SHPK: variants seen among roughly 807,000 people sequenced by gnomAD.
The protein encoded by SHPK is sedoheptulokinase, also known as carbohydrate kinase-like protein.
A neutral mutation model predicts 46.3 loss-of-function variants in SHPK; 51 were observed. That is an observed-to-expected ratio of 1.10 (90% CI 0.88 to 1.39). The LOEUF is 1.39. SHPK is among the 40% of genes most tolerant of loss of function. SHPK has a pLI of 0.00. For synonymous variants in SHPK, 290 were observed against 273.9 expected, an observed-to-expected ratio of 1.06 and a Z score of -0.58; for missense variants, 668 against 641.3, an observed-to-expected ratio of 1.04 and a Z score of -0.45.
intron 5 of SHPK, among the ~76,000 whole-genome samples, chr17:3,620,620 G>A (rs1380133144): frequency 1.3e-5 from 2 of 151,254 alleles, no homozygotes; most frequent in Non-Finnish European, 2.9e-5. Flanking sequence ...GGAGTGCAGT[G>A]ATGTGATCTC....
rs376874083 is a variant in SHPK at position 3,632,704 on chromosome 17, C to A, written c.169-2358G>T. On this transcript the variant is annotated intron_variant, in intron 1 of 6. Transcript: ENST00000225519. ...GGTCTACATCCACGTCGAATCCTCG[C>A]GCTTTAGACTTGCACACAGTACTTA... is the stretch of plus-strand genomic sequence containing the variant. 8.9e-4 allele frequency among the ~76,000 whole-genome samples: 136 copies of A among 152,192 alleles called. 7 individuals are homozygous for A. The South Asian group carries it at 0.023, about 26-fold the overall frequency.
chr17:3,631,679 C>T (rs1321421967), intron 1 of SHPK, among the ~76,000 whole-genome samples: 5 of 151,592 alleles, frequency 3.3e-5, no homozygotes, highest in African/African-American at 9.7e-5. Context: ...CACACCACCA[C>T]GCCGGGCTAA....
In SHPK at chr17:3,624,160, G is replaced by T. The variant is rs140931260; in HGVS notation, c.382C>A (p.Gln128Lys). Residue 128 changes from glutamine (Q) to lysine (K), a missense_variant, in exon 3 of 7, where the codon CAG becomes AAG. Transcript: ENST00000225519. ...AATTCGCTGCTACATCGGCCATCCTGCCACGTGACCAGGTGGCTAACAGCT... is the reference window on the plus strand; with the variant it reads ...AATTCGCTGCTACATCGGCCATCCTTCCACGTGACCAGGTGGCTAACAGCT... ...PRAVSHLVTW[Q>K]DGRCSSEFLA... 5.6e-6 allele frequency: 9 copies of T among 1,614,166 alleles called. No homozygotes were observed. The African/African-American group carries it at 9.3e-5, about 17-fold the overall frequency.
intron 3 of SHPK, 63 bp from the exon 4 acceptor site, chr17:3,623,554 C>A: frequency 1.3e-6 from 2 of 1,530,698 alleles, no homozygotes; most frequent in Non-Finnish European, 1.8e-6. Context: ...TGTGCCGCAC[C>A]TAGCTGCAGG....
intron 2 of SHPK, among the ~76,000 whole-genome samples, chr17:3,625,570 C>G (rs536641135): frequency 3.9e-5 from 6 of 152,144 alleles, no homozygotes; most frequent in Non-Finnish European, 8.8e-5. Context: ...GTAAAGCCAC[C>G]GTGACCCCCT....
chr17:3,631,512 C>CTTTTTTTTTTTTTTTTTTTTTT lies in SHPK; in HGVS notation c.169-1188_169-1167dup, dbSNP rs371958939. 3.8e-5 allele frequency among the ~76,000 whole-genome samples: 2 copies of CTTTTTTTTTTTTTTTTTTTTTT among 53,036 alleles called. 1 individual carries two copies. The highest frequency in any genetic ancestry group is 1.8e-4 in the African/African-American group (2 of 11,278). 34.8% of individuals were successfully genotyped at this position (53,036 alleles called of 152,430 possible). On this transcript the variant is annotated intron_variant, in intron 1 of 6. Coordinates refer to ENST00000225519, the MANE Select transcript of SHPK (RefSeq NM_013276.4). The stretch of plus-strand genomic sequence containing the variant: ...AAAATATACACTATCTAATTTAATG[C>CTTTTTTTTTTTTTTTTTTTTTT]TTTTTTTTTTTTTTTTTTTTTTTTT...
At chr17:3,613,807 G>A (rs535311845) in intron 6 of SHPK, among the ~76,000 whole-genome samples, 5 of 152,016 alleles carry the variant, frequency 3.3e-5, no homozygotes, top group East Asian at 3.9e-4. Context: ...CAATCCTCCC[G>A]CCTCGGCCTC....
At chr17:3,628,219 G>A (rs533921269) in intron 2 of SHPK, among the ~76,000 whole-genome samples, 1 of 152,236 alleles carries the variant, frequency 6.6e-6, no homozygotes, top group South Asian at 2.1e-4. Flanking sequence ...TTAAAATGTT[G>A]ATCTGTAGTA....
intron 5 of SHPK, among the ~76,000 whole-genome samples, chr17:3,615,850 ATTTTTTTT>A (rs201449504): frequency 3.7e-5 from 4 of 107,600 alleles, no homozygotes; most frequent in Admixed American, 9.3e-5. Context: ...GATCAAAGGA[ATTTTTTTT>A]TTTTTTTTTT....
At chr17:3,625,835 C>T (rs945612709) in intron 2 of SHPK, among the ~76,000 whole-genome samples, 20 of 152,116 alleles carry the variant, frequency 1.3e-4, no homozygotes, top group Non-Finnish European at 4.4e-5. Flanking sequence ...GGCGGATCAC[C>T]TGAGGTGAGG....
intron 6 of SHPK, 52 bp downstream of exon 6, chr17:3,615,285 C>A: frequency 1.3e-6 from 2 of 1,579,802 alleles, no homozygotes; most frequent in African/African-American, 1.3e-5. Flanking sequence ...CGAGACCCTG[C>A]CGGGTAGAAA....
intron 2 of SHPK, among the ~76,000 whole-genome samples, chr17:3,628,326 C>G (rs2075450389): frequency 6.9e-6 from 1 of 144,806 alleles, no homozygotes; most frequent in East Asian, 2.0e-4. Context: ...TTCATAATTT[C>G]TTTTTTTTTT....
rs1054647529 is a variant in SHPK at position 3,636,073 on chromosome 17, CT to C, written c.146del (p.Glu49GlyfsTer14). Reference sequence around the variant, plus strand: ...TCACCTGGGGCCCGGCCACCGCGCTCTCGACCGCCGCCTCTGCCCGCGCAGC... The same window carrying C: ...TCACCTGGGGCCCGGCCACCGCGCTCCGACCGCCGCCTCTGCCCGCGCAGC... The part of the protein sequence containing the change: ...ARAARAEAAV[E>X]SAVAGPQGRE... On this transcript the variant is annotated frameshift_variant, in exon 1 of 7. Coordinates refer to ENST00000225519, the MANE Select transcript of SHPK (RefSeq NM_013276.4). LOFTEE classifies it high-confidence loss of function. The C allele has an allele frequency of 3.2e-6, 5 of 1,583,302 alleles. No individual in the cohort carries two copies. The highest frequency in any genetic ancestry group is 4.3e-6 in the Non-Finnish European group (5 of 1,166,750).
chr17:3,630,823 C>G (rs2075466380), intron 1 of SHPK, among the ~76,000 whole-genome samples: 1 of 152,128 alleles, frequency 6.6e-6, no homozygotes, highest in Non-Finnish European at 1.5e-5. Flanking sequence ...GAGATCACGC[C>G]ACGGCACTCC....
At chr17:3,630,062 A>G in intron 2 of SHPK, 143 bp downstream of exon 2, 1 of 1,002,010 alleles carries the variant, frequency 1.0e-6, no homozygotes, top group East Asian at 2.4e-5. Context: ...CGCAGGAGGC[A>G]GCACGTATTC....
intron 6 of SHPK, 51 bp downstream of exon 6, chr17:3,615,286 C>T (rs752984096): frequency 6.4e-6 from 10 of 1,570,512 alleles, no homozygotes; most frequent in South Asian, 1.1e-5. Context: ...GAGACCCTGC[C>T]GGGTAGAAAG....
intron 2 of SHPK, 31 bp downstream of exon 2, chr17:3,630,174 C>A: frequency 6.2e-7 from 1 of 1,613,618 alleles, no homozygotes; most frequent in Non-Finnish European, 8.5e-7. Context: ...TGACTGCTAC[C>A]AGCCTGAGAG....
Position 3,621,405 on chromosome 17 carries a change from T to C in SHPK, c.655A>G (p.Ser219Gly), listed in dbSNP as rs764350616. Residue 219 changes from serine (S) to glycine (G), a missense_variant, in exon 5 of 7, where the codon AGC becomes GGC. Physicochemically the swap from Ser to Gly is moderately conservative, Grantham distance 56 (BLOSUM62 0). Coordinates refer to ENST00000225519, the MANE Select transcript of SHPK (RefSeq NM_013276.4). ...AGCAGGTGGACAGGAAAACCCGAGC[T>C]CCTCAGTCTGTAAAACAGAAGTGGA... ...SQSWNVETLR[S>G]SGFPVHLLPD... The C allele has an allele frequency of 1.9e-6, 3 of 1,613,636 alleles. No homozygotes were observed. Among genetic ancestry groups the C allele is most frequent in the South Asian group, 2.2e-5 (2 of 91,040 alleles).
Position 3,624,105 on chromosome 17 carries a change from T to G in SHPK, c.437A>C (p.His146Pro). 6.2e-7 allele frequency: 1 copy of G among 1,614,068 alleles called. No individual in the cohort carries two copies. Residue 146 changes from histidine to proline, a missense_variant, in exon 3 of 7, where the codon CAT (histidine) becomes CCT (proline). Transcript: ENST00000225519. ...FLASLPQPKS[H>P]LSVATGFGCA... ...GCCGAAGCCCGTGGCCACACTGAGA[T>G]GAGACTTCGGCTGGGGCAGAGAGGC...
Sources: gnomAD v4.1 joint callset for allele counts (sites outside exome capture counted in the v4.1 genomes callset) on GRCh38, gnomAD v4.1.1 for gene constraint, MANE v1.5 for transcripts, NCBI Gene and HGNC (gene_info 2026-07-23, HGNC 2026-07-21) for gene names.